HMCN1: variants seen among roughly 807,000 people sequenced by gnomAD.
The protein encoded by HMCN1 is hemicentin 1, also known as hemicentin-1.
HMCN1 carries 321 observed loss-of-function variants against 625.9 expected under a neutral mutation model. That is an observed-to-expected ratio of 0.51 (90% CI 0.47 to 0.56). The LOEUF is 0.56. Ranked by LOEUF, HMCN1 falls within the 20% of genes least tolerant of loss-of-function variation. The pLI is 0.00. For missense variants in HMCN1, 6,588 were observed against 6,887.3 expected (o/e 0.96, Z 1.54); for synonymous variants, 2,425 against 2,417.6 (o/e 1.00, Z -0.09).
In HMCN1 at chr1:186,137,867, C is replaced by G; in HGVS notation, c.13819C>G (p.Gln4607Glu). Residue 4607 changes from glutamine (Q) to glutamate (E), a missense_variant, in exon 89 of 107, where the codon CAA becomes GAA. By Grantham distance (29) the Gln-to-Glu change is conservative. Coordinates refer to ENST00000271588, the MANE Select transcript of HMCN1 (RefSeq NM_031935.3). ...CACAAGGAGCTGTGGACGCGGCAAC[C>G]AAACCAGGACCAGGACTTGCAATAA... The part of the protein sequence containing the change: ...ECTRSCGRGN[Q>E]TRTRTCNNPS... 6.2e-7 allele frequency: 1 copy of G among 1,614,026 alleles called. No individual in the cohort carries two copies. Among genetic ancestry groups the G allele is most frequent in the South Asian group, 1.1e-5 (1 of 91,088 alleles).
chr1:186,066,483 T>C (rs915239557), intron 49 of HMCN1, among the ~76,000 whole-genome samples: 16 of 152,266 alleles, frequency 1.1e-4, no homozygotes, highest in Admixed American at 9.8e-4. Flanking sequence ...AGTTACTCCT[T>C]GCACTTACAC....
intron 4 of HMCN1, among the ~76,000 whole-genome samples, chr1:185,867,841 C>T (rs991066300): frequency 2.0e-5 from 3 of 152,116 alleles, no homozygotes; most frequent in South Asian, 2.1e-4. Context: ...GAGGCCGCAG[C>T]AGGTGGATCA....
At chr1:186,017,150 G>A in intron 33 of HMCN1, 79 bp downstream of exon 33, 5 of 791,978 alleles carry the variant, frequency 6.3e-6, no homozygotes, top group Non-Finnish European at 1.2e-5. Flanking sequence ...AAGCTGTTCT[G>A]TATCATTAAA....
intron 4 of HMCN1, among the ~76,000 whole-genome samples, chr1:185,869,073 C>T (rs1188592306): frequency 6.6e-6 from 1 of 152,138 alleles, no homozygotes; most frequent in Non-Finnish European, 1.5e-5. Flanking sequence ...AAGGATGTTT[C>T]ACTTACTTTG....
At chr1:185,980,931 AT>A in intron 16 of HMCN1, 46 bp from the exon 17 acceptor site, 1 of 1,128,344 alleles carries the variant, frequency 8.9e-7, no homozygotes, top group Non-Finnish European at 1.4e-6. Context: ...CACATAGTTA[AT>A]TCTCCATAGA....
intron 1 of HMCN1, among the ~76,000 whole-genome samples, chr1:185,822,025 C>T (rs765958177): frequency 7.2e-5 from 11 of 151,750 alleles, no homozygotes; most frequent in African/African-American, 1.9e-4. Flanking sequence ...ACTGTGGAGA[C>T]GGTGAAAAGA....
chr1:186,015,107 A>C, intron 30 of HMCN1, 52 bp from the exon 31 acceptor site: 1 of 1,490,196 alleles, frequency 6.7e-7, no homozygotes, highest in Non-Finnish European at 9.4e-7. Context: ...TAAGATTTTG[A>C]TGAAGATGCT....
intron 57 of HMCN1, among the ~76,000 whole-genome samples, 186 bp from the exon 58 acceptor site, chr1:186,086,060 T>G (rs1659456806): frequency 6.6e-6 from 1 of 152,120 alleles, no homozygotes; most frequent in Non-Finnish European, 1.5e-5. Flanking sequence ...CTCTTTCAAT[T>G]GGGAAAAATA....
At position 185,950,506 on chromosome 1, in the gene HMCN1, AGTT is replaced by A. The variant is rs1427587605; in HGVS notation, c.1829-12005_1829-12003del. Among the ~76,000 whole-genome samples, 114 of 151,764 alleles carry A rather than the reference AGTT, an allele frequency of 7.5e-4. 1 individual carries two copies. Among genetic ancestry groups the A allele is most frequent in the East Asian group, 7.7e-4 (4 of 5,162 alleles). On this transcript the variant is annotated intron_variant, in intron 11 of 106. Coordinates refer to ENST00000271588, the MANE Select transcript of HMCN1 (RefSeq NM_031935.3). ...GCTAACCATGCCTAGGAGGGAAAGG[AGTT>A]GTTGTTTTGTAGAAGGTGCTTGGGT...
chr1:186,109,638 G>A (rs1228114389), intron 71 of HMCN1, among the ~76,000 whole-genome samples: 1 of 152,208 alleles, frequency 6.6e-6, no homozygotes, highest in Non-Finnish European at 1.5e-5. Context: ...AAGCCTCTTA[G>A]AAAAGATGAG....
At chr1:185,924,937 A>T in intron 8 of HMCN1, 110 bp from the exon 9 acceptor site, 1 of 946,880 alleles carries the variant, frequency 1.1e-6, no homozygotes, top group Non-Finnish European at 1.6e-6. Context: ...CAGAGGATTT[A>T]CTGGAATAAT....
At chr1:185,935,248 C>CTTTTTTTTTTTTTTTTTTTTTTTTTTT (rs1667755911) in intron 11 of HMCN1, among the ~76,000 whole-genome samples, 2 of 152,138 alleles carry the variant, frequency 1.3e-5, no homozygotes, top group African/African-American at 4.8e-5. Context: ...CATAATTTTT[C>CTTTTTTTTTTTTTTTTTTTTTTTTTTT]TATTTAGTGC....
At chr1:186,101,931 A>C (rs1032452694) in intron 68 of HMCN1, among the ~76,000 whole-genome samples, 3 of 152,156 alleles carry the variant, frequency 2.0e-5, no homozygotes, top group Non-Finnish European at 4.4e-5. Flanking sequence ...TAAATGATTT[A>C]TAGTTTTCAC....
chr1:186,131,212 ATTGT>A (rs1165828264), intron 85 of HMCN1, among the ~76,000 whole-genome samples: 4 of 152,198 alleles, frequency 2.6e-5, no homozygotes, highest in African/African-American at 9.6e-5. Context: ...ATGTGCTGTC[ATTGT>A]TTAAGTAATT....
intron 46 of HMCN1, among the ~76,000 whole-genome samples, chr1:186,058,309 A>G (rs1220169482): frequency 2.0e-5 from 3 of 152,006 alleles, no homozygotes; most frequent in Non-Finnish European, 4.4e-5. Context: ...CATTAATACA[A>G]TGCGATTATC....
At chr1:186,182,105 GCT>G in intron 104 of HMCN1, 61 bp from the exon 105 acceptor site, 1 of 1,589,252 alleles carries the variant, frequency 6.3e-7, no homozygotes, top group Non-Finnish European at 8.6e-7. Context: ...ATGAGAGTTG[GCT>G]CTGTCACAGT....
intron 1 of HMCN1, among the ~76,000 whole-genome samples, chr1:185,794,020 A>G (rs1290057034): frequency 6.6e-6 from 1 of 152,208 alleles, no homozygotes; most frequent in Non-Finnish European, 1.5e-5. Context: ...TAATGGCATT[A>G]ATTTTTCACT....
At chr1:185,849,797 TTC>T (rs1662054232) in intron 2 of HMCN1, among the ~76,000 whole-genome samples, 1 of 152,202 alleles carries the variant, frequency 6.6e-6, no homozygotes, top group Non-Finnish European at 1.5e-5. Flanking sequence ...TTGATTATTT[TTC>T]TCTGTTACTG....
intron 1 of HMCN1, among the ~76,000 whole-genome samples, chr1:185,789,152 G>A (rs146089523): frequency 4.6e-5 from 7 of 152,224 alleles, no homozygotes; most frequent in East Asian, 3.9e-4. Flanking sequence ...ATAAACAATG[G>A]TACCTTATTG....
Sources: allele counts gnomAD v4.1 joint callset (sites outside exome capture counted in the v4.1 genomes callset), GRCh38; gene constraint gnomAD v4.1.1; transcripts MANE v1.5; gene names NCBI Gene and HGNC (gene_info 2026-07-23, HGNC 2026-07-21).